RARB: variants seen among roughly 807,000 people sequenced by gnomAD.
RARB encodes the protein retinoic acid receptor beta.
In RARB, 17 loss-of-function variants were observed where a neutral mutation model predicts 51.9. The observed-to-expected ratio is 0.33, with a 90% CI of 0.22 to 0.49. RARB has a LOEUF of 0.49. RARB is among the 20% of genes least tolerant of loss of function. The probability of loss-of-function intolerance (pLI) is 0.99; values close to 1 mark genes in which losing one functional copy is unlikely to be tolerated. For missense variants in RARB, 369 were observed against 550.8 expected, an observed-to-expected ratio of 0.67 and a Z score of 3.30; for synonymous variants, 215 against 195.4, an observed-to-expected ratio of 1.10 and a Z score of -0.84.
chr3:25,220,192 C>G (rs993414814), intron 5 of RARB, among the ~76,000 whole-genome samples: 1 of 152,166 alleles, frequency 6.6e-6, no homozygotes, highest in Non-Finnish European at 1.5e-5. Flanking sequence ...AACCAGTCAG[C>G]TTGACAGCTA....
intron 2 of RARB, among the ~76,000 whole-genome samples, chr3:24,931,736 A>G (rs752771777): frequency 6.6e-6 from 1 of 152,104 alleles, no homozygotes; most frequent in East Asian, 1.9e-4. Flanking sequence ...TTCATAGTCT[A>G]TGATATGAAT....
chr3:24,896,806 A>G (rs1266151673), intron 2 of RARB, among the ~76,000 whole-genome samples: 2 of 152,206 alleles, frequency 1.3e-5, no homozygotes, highest in Non-Finnish European at 2.9e-5. Flanking sequence ...GGGGCAGTAT[A>G]GTCTCCTACA....
chr3:24,930,368 A>G (rs957001875), intron 2 of RARB, among the ~76,000 whole-genome samples: 1 of 152,064 alleles, frequency 6.6e-6, no homozygotes, highest in African/African-American at 2.4e-5. Context: ...GAGTGCTGCT[A>G]GAACTGCAAA....
chr3:24,977,486 A>G (rs1386957072), intron 2 of RARB, among the ~76,000 whole-genome samples: 3 of 152,118 alleles, frequency 2.0e-5, no homozygotes, highest in Non-Finnish European at 4.4e-5. Flanking sequence ...CATCCCTTGT[A>G]AGTTGGATTC....
chr3:25,088,792 G>A (rs962949448), intron 3 of RARB, among the ~76,000 whole-genome samples: 1 of 152,074 alleles, frequency 6.6e-6, no homozygotes, highest in Non-Finnish European at 1.5e-5. Context: ...GTATTGAAAA[G>A]CCGCTCCCAG....
At chr3:25,407,159 AG>A in intron 5 of RARB, among the ~76,000 whole-genome samples, 1 of 152,306 alleles carries the variant, frequency 6.6e-6, no homozygotes, top group South Asian at 2.1e-4. Context: ...TGGCTTCGGC[AG>A]TTCCCCACTG....
chr3:24,982,800 A>G (rs1696706272), intron 2 of RARB, among the ~76,000 whole-genome samples: 1 of 152,138 alleles, frequency 6.6e-6, no homozygotes, highest in South Asian at 2.1e-4. Context: ...GGGCTGGGGC[A>G]TCATAATTAT....
chr3:25,588,560 G>A (rs1364259666), intron 5 of RARB, among the ~76,000 whole-genome samples: 3 of 152,124 alleles, frequency 2.0e-5, no homozygotes, highest in African/African-American at 7.2e-5. Context: ...TAAAACATAA[G>A]CATTATTATC....
intron 3 of RARB, among the ~76,000 whole-genome samples, chr3:25,098,466 T>G (rs1421985288): frequency 6.6e-6 from 1 of 152,204 alleles, no homozygotes; most frequent in African/African-American, 2.4e-5. Flanking sequence ...TGAGAGCAAT[T>G]CCTACCTGTG....
chr3:24,886,894 T>C (rs1226691506), intron 2 of RARB, among the ~76,000 whole-genome samples: 3 of 152,230 alleles, frequency 2.0e-5, no homozygotes, highest in Admixed American at 6.5e-5. Flanking sequence ...GTATAGACCA[T>C]GTGTCTACAA....
At chr3:24,887,267 C>A (rs1317150276) in intron 2 of RARB, among the ~76,000 whole-genome samples, 1 of 152,220 alleles carries the variant, frequency 6.6e-6, no homozygotes, top group Middle Eastern at 3.4e-3. Context: ...ACTTTGATTA[C>A]AATAGAAAAT....
intron 2 of RARB, among the ~76,000 whole-genome samples, chr3:24,925,917 A>G (rs1695311234): frequency 6.6e-6 from 1 of 151,962 alleles, no homozygotes; most frequent in Non-Finnish European, 1.5e-5. Flanking sequence ...CGTGTAAGTT[A>G]TTTTGGTTTT....
chr3:25,005,147 G>A (rs1697244421), intron 2 of RARB, among the ~76,000 whole-genome samples: 1 of 152,116 alleles, frequency 6.6e-6, no homozygotes, highest in Non-Finnish European at 1.5e-5. Context: ...TGCCTCTGTT[G>A]CTACCAGTTA....
Position 24,860,799 on chromosome 3 carries a change from G to A in RARB, c.-380+2047G>A, listed in dbSNP as rs755868287. 5.7e-4 allele frequency among the ~76,000 whole-genome samples: 86 copies of A among 152,142 alleles called. 2 individuals carry two copies. Among genetic ancestry groups the A allele is most frequent in the Admixed American group, 3.9e-4 (6 of 15,284 alleles). ...TGTGCTGTGTGACATTAGGTACAGAGAGGTGAAGTAACTTATCTGAGTCAC... is the reference window on the plus strand; with the variant it reads ...TGTGCTGTGTGACATTAGGTACAGAAAGGTGAAGTAACTTATCTGAGTCAC... On this transcript the variant is annotated intron_variant, in intron 2 of 11. Transcript: ENST00000383772.
Position 25,393,984 on chromosome 3 carries a change from T to C in RARB, c.179-67209T>C, listed in dbSNP as rs1051105125. Among the ~76,000 whole-genome samples, 5 of 152,296 alleles carry C rather than the reference T, an allele frequency of 3.3e-5. No homozygotes were observed. In the East Asian group the frequency reaches 5.8e-4, roughly 18 times the overall value. On this transcript the variant is annotated intron_variant, in intron 5 of 11. Coordinates refer to the RARB transcript ENST00000383772. ...TTTTGGTTTGTTCTTGATTCTCTAG[T>C]TCCTTGAGGTGTGACCTTAGATTGT... is the stretch of plus-strand genomic sequence containing the variant.
At chr3:25,020,804 G>T (rs999396022) in intron 2 of RARB, among the ~76,000 whole-genome samples, 15 of 152,078 alleles carry the variant, frequency 9.9e-5, no homozygotes, top group African/African-American at 3.6e-4. Flanking sequence ...AAATATTTTA[G>T]ATTTTTCTAC....
At chr3:25,510,106 A>C (rs1697814279) in intron 3 of RARB, among the ~76,000 whole-genome samples, 2 of 152,222 alleles carry the variant, frequency 1.3e-5, no homozygotes, top group Non-Finnish European at 2.9e-5. Flanking sequence ...TATCCCATGC[A>C]GCAGATAGGA....
intron 2 of RARB, among the ~76,000 whole-genome samples, chr3:24,881,743 T>C (rs1345778334): frequency 6.6e-6 from 1 of 152,188 alleles, no homozygotes; most frequent in East Asian, 1.9e-4. Context: ...CAATGATGGC[T>C]GTGGCAGGTG....
At chr3:25,020,986 A>AATAC (rs747759367) in intron 2 of RARB, among the ~76,000 whole-genome samples, 21 of 152,228 alleles carry the variant, frequency 1.4e-4, no homozygotes, top group Non-Finnish European at 2.6e-4. Context: ...TAAATAAATA[A>AATAC]ATATTTTAGA....
Sources: gnomAD v4.1 joint callset for allele counts (sites outside exome capture counted in the v4.1 genomes callset) on GRCh38, gnomAD v4.1.1 for gene constraint, MANE v1.5 for transcripts, NCBI Gene and HGNC (gene_info 2026-07-23, HGNC 2026-07-21) for gene names.